Variants in SFMBT2 observed in about 807,000 individuals in gnomAD.
The protein encoded by SFMBT2 is Scm like with four mbt domains 2.
Under a neutral mutation model 110.1 loss-of-function variants are expected in SFMBT2, and 38 were observed. The observed-to-expected ratio is 0.35, with a 90% CI of 0.27 to 0.45. The LOEUF (loss-of-function observed/expected upper bound fraction) is 0.45. Among genes scored for constraint, SFMBT2 ranks in the 20% least tolerant of loss-of-function variants. The pLI, the probability that SFMBT2 is intolerant of heterozygous loss-of-function variation, is 1.00. For synonymous variants in SFMBT2, 425 were observed against 425.4 expected, an observed-to-expected ratio of 1.00 and a Z score of 0.01; for missense variants, 1,011 against 1,094.9, an observed-to-expected ratio of 0.92 and a Z score of 1.08.
intron 4 of SFMBT2, among the ~76,000 whole-genome samples, chr10:7,307,237 G>C (rs1211606413): frequency 6.6e-6 from 1 of 152,132 alleles, no homozygotes; most frequent in Non-Finnish European, 1.5e-5. Flanking sequence ...TCATGGATTA[G>C]AGAACTCAGT....
At chr10:7,184,158 C>T (rs778455764) in intron 16 of SFMBT2, among the ~76,000 whole-genome samples, 4 of 152,086 alleles carry the variant, frequency 2.6e-5, no homozygotes, top group Non-Finnish European at 5.9e-5. Context: ...TGATAAAATG[C>T]CAAAAAAATC....
At chr10:7,234,314 G>C (rs756877796) in intron 9 of SFMBT2, among the ~76,000 whole-genome samples, 2 of 152,176 alleles carry the variant, frequency 1.3e-5, no homozygotes, top group Non-Finnish European at 2.9e-5. Flanking sequence ...ATTATGTTGA[G>C]AAGTATTTCA....
intron 1 of SFMBT2, among the ~76,000 whole-genome samples, chr10:7,383,953 GT>G (rs1388489196): frequency 6.6e-6 from 1 of 152,132 alleles, no homozygotes; most frequent in Non-Finnish European, 1.5e-5. Context: ...GCTCATGCCT[GT>G]AATCCCAGCA....
chr10:7,301,788 T>C lies in SFMBT2; in HGVS notation c.437-15834A>G, dbSNP rs1019507643. 6.6e-5 allele frequency among the ~76,000 whole-genome samples: 10 copies of C among 152,216 alleles called. No homozygotes were observed. Among genetic ancestry groups the C allele is most frequent in the Admixed American group, 3.3e-4 (5 of 15,298 alleles). ...TAGGAGTCCCCATTCCAGCCTTTCC[T>C]GGTGCTGCTGAAAGAAAAGGGAGGA... is the stretch of plus-strand genomic sequence containing the variant. On this transcript the variant is annotated intron_variant, in intron 4 of 20. Transcript: ENST00000397167. This position sits in a 1 kb window ranked among gnomAD's most constrained non-coding sequence, Gnocchi z 4.2.
Position 7,172,071 on chromosome 10 carries a change from T to C in SFMBT2, c.2239A>G (p.Thr747Ala), listed in dbSNP as rs971538109. Residue 747 changes from threonine (T) to alanine (A), a missense_variant, in exon 19 of 21, where the codon ACC becomes GCC. Coordinates refer to ENST00000397167, the MANE Select transcript of SFMBT2 (RefSeq NM_001387889.1). The surrounding 1 kb of genome is among the most constrained non-coding windows in gnomAD (Gnocchi z 4.6). ...GCCGAGGGCACCTCCGCCGACGAGGTGTCCGTCTGGTCATCCCGGAGCTCG... is the reference window on the plus strand; with the variant it reads ...GCCGAGGGCACCTCCGCCGACGAGGCGTCCGTCTGGTCATCCCGGAGCTCG... ...GSELRDDQTD[T>A]SSAEVPSARP... 6.2e-7 allele frequency: 1 copy of C among 1,605,738 alleles called. No homozygotes were observed. The highest frequency in any genetic ancestry group is 8.5e-7 in the Non-Finnish European group (1 of 1,176,108).
chr10:7,358,150 C>T (rs915401748), intron 4 of SFMBT2, among the ~76,000 whole-genome samples: 5 of 151,370 alleles, frequency 3.3e-5, no homozygotes, highest in African/African-American at 1.2e-4. Flanking sequence ...ATCAACATGG[C>T]CCTGGAACAT....
intron 16 of SFMBT2, among the ~76,000 whole-genome samples, chr10:7,181,485 A>C (rs1838245631): frequency 6.6e-6 from 1 of 152,224 alleles, no homozygotes; most frequent in Non-Finnish European, 1.5e-5. Flanking sequence ...CAGGAGAATG[A>C]ATAGTATCTT....
chr10:7,298,998 T>C (rs1274276608), intron 4 of SFMBT2, among the ~76,000 whole-genome samples: 1 of 151,970 alleles, frequency 6.6e-6, no homozygotes, highest in Admixed American at 6.6e-5. Flanking sequence ...ATTACCTGAG[T>C]TCAAGAATTC....
At chr10:7,288,223 C>T (rs1425059064) in intron 4 of SFMBT2, among the ~76,000 whole-genome samples, 5 of 152,092 alleles carry the variant, frequency 3.3e-5, no homozygotes, top group Non-Finnish European at 5.9e-5. Context: ...CATCCGCCCA[C>T]GCACAAGGAT....
intron 11 of SFMBT2, among the ~76,000 whole-genome samples, chr10:7,211,555 TC>T (rs1172934821): frequency 6.6e-6 from 1 of 152,122 alleles, no homozygotes; most frequent in Non-Finnish European, 1.5e-5. Flanking sequence ...GCAGCAGCCT[TC>T]CAAACAAACA....
intron 7 of SFMBT2, among the ~76,000 whole-genome samples, chr10:7,272,346 T>C (rs1469310682): frequency 6.6e-6 from 1 of 152,114 alleles, no homozygotes; most frequent in African/African-American, 2.4e-5. Flanking sequence ...AAGTGAGTAA[T>C]TTCACACATT....
intron 4 of SFMBT2, among the ~76,000 whole-genome samples, chr10:7,321,358 C>G (rs566763679): frequency 6.6e-6 from 1 of 152,112 alleles, no homozygotes; most frequent in Non-Finnish European, 1.5e-5. Flanking sequence ...CCCGCCAACA[C>G]GCCCGGCTAA....
intron 2 of SFMBT2, chr10:7,370,715 G>A (rs1314668738): frequency 2.6e-6 from 1 of 389,182 alleles, no homozygotes; most frequent in Admixed American, 6.4e-5. Flanking sequence ...AGCCTGCAGG[G>A]AGGCTGGAGG....
At chr10:7,176,243 A>C (rs905418691) in intron 16 of SFMBT2, 78 bp from the exon 17 acceptor site, 2 of 1,412,952 alleles carry the variant, frequency 1.4e-6, no homozygotes, top group African/African-American at 2.8e-5. Context: ...CACATTCCGA[A>C]GGCAGCAACT....
rs559269487 is a variant in SFMBT2 at position 7,407,833 on chromosome 10, C to A, written c.-52+3028G>T. 7.2e-5 allele frequency among the ~76,000 whole-genome samples: 11 copies of A among 152,286 alleles called. No individual in the cohort carries two copies. In the South Asian group the frequency reaches 2.3e-3, roughly 32 times the overall value. On this transcript the variant is annotated intron_variant, in intron 1 of 20. Coordinates refer to ENST00000397167, the MANE Select transcript of SFMBT2 (RefSeq NM_001387889.1). ...GCACCGGTGTCCGTGGCTATTGCCC[C>A]GAATGGTCCCCATCCGCGTCCCCGG...
chr10:7,164,814 C>T (rs1394803201), intron 20 of SFMBT2, among the ~76,000 whole-genome samples: 2 of 151,310 alleles, frequency 1.3e-5, no homozygotes, highest in African/African-American at 4.9e-5. Context: ...ACACACTCCC[C>T]AGAGCGAGGT....
intron 16 of SFMBT2, among the ~76,000 whole-genome samples, chr10:7,179,415 A>AAC (rs1358269524): frequency 2.5e-5 from 3 of 121,506 alleles, no homozygotes; most frequent in African/African-American, 8.3e-5. Flanking sequence ...AAAAAAAAAA[A>AAC]ACAAAAGAAA....
chr10:7,208,286 G>C (rs560945941), intron 11 of SFMBT2, among the ~76,000 whole-genome samples: 1 of 152,232 alleles, frequency 6.6e-6, no homozygotes, highest in South Asian at 2.1e-4. Context: ...CAGACCCAAA[G>C]AGCATTTGTT....
chr10:7,170,842 C>T lies in SFMBT2; in HGVS notation c.2544+86G>A. The T allele has an allele frequency of 6.5e-7, 1 of 1,546,838 alleles. No homozygotes were observed. Among genetic ancestry groups the T allele is most frequent in the South Asian group, 1.1e-5 (1 of 87,600 alleles). On this transcript the variant is annotated intron_variant, in intron 20 of 20. Coordinates refer to ENST00000397167, the MANE Select transcript of SFMBT2 (RefSeq NM_001387889.1). The surrounding 1 kb of genome is among the most constrained non-coding windows in gnomAD (Gnocchi z 4.6). ...CGCCGAAGAACCCCCTCGCAGGTGT[C>T]ACGAGGAAGCCGGCTAGGACACGAG...
Sources: allele counts gnomAD v4.1 joint callset (sites outside exome capture counted in the v4.1 genomes callset), GRCh38; gene constraint gnomAD v4.1.1; non-coding constraint Gnocchi (gnomAD v3.1); transcripts MANE v1.5; gene names NCBI Gene and HGNC (gene_info 2026-07-23, HGNC 2026-07-21).